TFAP2D: variants seen among roughly 807,000 people sequenced by gnomAD.
TFAP2D encodes transcription factor AP-2 delta.
TFAP2D carries 9 observed loss-of-function variants against 43.6 expected under a neutral mutation model. That is an observed-to-expected ratio of 0.21 (90% confidence interval 0.12 to 0.36). The LOEUF (loss-of-function observed/expected upper bound fraction) is 0.36. Ranked by LOEUF, TFAP2D falls within the 10% of genes least tolerant of loss-of-function variation. The pLI is 1.00. For synonymous variants in TFAP2D, 256 were observed against 224.9 expected (o/e 1.14, Z -1.24); for missense variants, 513 against 561.4 (o/e 0.91, Z 0.87).
chr6:50,723,657 A>G (rs79522162), intron 3 of TFAP2D, among the ~76,000 whole-genome samples: 2,851 of 152,268 alleles, frequency 0.019, 79 homozygotes, highest in African/African-American at 0.066. Flanking sequence ...CTTGTACCAA[A>G]GCATCCAGAA....
chr6:50,758,312 G>A (rs1011029966), intron 7 of TFAP2D, among the ~76,000 whole-genome samples: 3 of 151,810 alleles, frequency 2.0e-5, no homozygotes, highest in Non-Finnish European at 2.9e-5. Flanking sequence ...TCTCTCCAAC[G>A]TCTCTGTCAA....
intron 6 of TFAP2D, among the ~76,000 whole-genome samples, chr6:50,745,905 G>A (rs763970260): frequency 6.8e-4 from 103 of 152,218 alleles, no homozygotes; most frequent in Non-Finnish European, 1.3e-3. Context: ...CAATAGGAAA[G>A]GGGGAAGCTT....
chr6:50,756,078 G>T (rs1769261100), intron 7 of TFAP2D, among the ~76,000 whole-genome samples: 1 of 151,940 alleles, frequency 6.6e-6, no homozygotes, highest in Non-Finnish European at 1.5e-5. Context: ...GCCCAGGCTT[G>T]TTTCAGCTTT....
chr6:50,743,692 T>A (rs1401737468), intron 5 of TFAP2D, among the ~76,000 whole-genome samples: 1 of 152,098 alleles, frequency 6.6e-6, no homozygotes, highest in Non-Finnish European at 1.5e-5. Context: ...TATTAACTGT[T>A]CTCTTTTGTA....
intron 7 of TFAP2D, among the ~76,000 whole-genome samples, chr6:50,768,896 G>C (rs1300322175): frequency 7.0e-6 from 1 of 142,118 alleles, no homozygotes; most frequent in Non-Finnish European, 1.5e-5. Context: ...TTTGTTGAAC[G>C]AAGTGGCTTT....
intron 7 of TFAP2D, among the ~76,000 whole-genome samples, chr6:50,757,171 T>C (rs1022142847): frequency 6.0e-5 from 9 of 150,800 alleles, no homozygotes; most frequent in Non-Finnish European, 1.0e-4. Context: ...GTTTCTACTA[T>C]GTTAATGGCA....
At chr6:50,724,763 GGT>G (rs375837342) in intron 3 of TFAP2D, among the ~76,000 whole-genome samples, 8 of 150,622 alleles carry the variant, frequency 5.3e-5, no homozygotes, top group Middle Eastern at 3.4e-3. Context: ...ACGGTGGCGG[GGT>G]GTGTGTGTGT....
chr6:50,754,607 T>C (rs1769240025), intron 7 of TFAP2D, among the ~76,000 whole-genome samples: 1 of 151,952 alleles, frequency 6.6e-6, no homozygotes, highest in African/African-American at 2.4e-5. Flanking sequence ...AGCTATACCA[T>C]TTTACATTTT....
chr6:50,743,075 C>G (rs1281051532), intron 5 of TFAP2D, among the ~76,000 whole-genome samples: 1 of 151,660 alleles, frequency 6.6e-6, no homozygotes, highest in Non-Finnish European at 1.5e-5. Context: ...TAGCACTATT[C>G]AGATTAATAT....
At chr6:50,757,528 T>A (rs1426761326) in intron 7 of TFAP2D, among the ~76,000 whole-genome samples, 2 of 74,658 alleles carry the variant, frequency 2.7e-5, no homozygotes, top group Non-Finnish European at 4.8e-5. Context: ...ATACATATAA[T>A]TATTCTATAT....
chr6:50,714,187 C>T lies in TFAP2D; in HGVS notation c.39+93C>T, dbSNP rs1768576384. On this transcript the variant is annotated intron_variant, in intron 1 of 7. Transcript: ENST00000008391. The stretch of plus-strand genomic sequence containing the variant: ...GGTGGCGGCGGCGGTGGCAGCCTCC[C>T]CTGTCTCTAATCTATATTGGACCGT... The T allele has an allele frequency of 1.2e-5, 15 of 1,295,174 alleles. 1 individual carries two copies. The South Asian group carries it at 1.6e-4, about 14-fold the overall frequency. The allele number at this position is 1,295,174 out of a possible 1,614,324, so 80.2% of individuals were successfully genotyped here.
At position 50,772,821 on chromosome 6, in the gene TFAP2D, C is replaced by T; in HGVS notation, c.1316C>T (p.Ser439Leu). 1 of 1,613,980 alleles carries T rather than the reference C, an allele frequency of 6.2e-7. No homozygotes were observed. Among genetic ancestry groups the T allele is most frequent in the South Asian group, 1.1e-5 (1 of 91,070 alleles). ...NSEKAPLRKT[S>L]EAAVKEGKTE... ...GAGAAAGCTCCCCTGCGGAAAACTT[C>T]AGAGGCTGCCGTGAAAGAGGGCAAA... The change falls in exon 8 of 8, where the codon TCA becomes TTA. Residue 439 changes from serine (S) to leucine (L), a missense_variant. Ser to Leu is a moderately radical substitution (Grantham distance 145). Transcript: ENST00000008391.
intron 7 of TFAP2D, among the ~76,000 whole-genome samples, chr6:50,760,584 T>C (rs925146175): frequency 3.9e-5 from 6 of 152,024 alleles, no homozygotes; most frequent in African/African-American, 1.4e-4. Flanking sequence ...ATACTTTAAT[T>C]GTGTATCTTA....
chr6:50,741,593 A>G (rs1420376434), intron 5 of TFAP2D, among the ~76,000 whole-genome samples: 1 of 152,082 alleles, frequency 6.6e-6, no homozygotes, highest in East Asian at 1.9e-4. Context: ...AGACCTAAAG[A>G]CAGAAATACC....
intron 5 of TFAP2D, among the ~76,000 whole-genome samples, chr6:50,735,347 C>A (rs1561934979): frequency 6.6e-6 from 1 of 152,054 alleles, no homozygotes; most frequent in African/African-American, 2.4e-5. Context: ...AAGTAAAACT[C>A]ACGGATAGAA....
At position 50,745,095 on chromosome 6, in the gene TFAP2D, A is replaced by G. The variant is rs1187245407; in HGVS notation, c.884-12A>G. 3.1e-6 allele frequency: 5 copies of G among 1,612,958 alleles called. No homozygotes were observed. The highest frequency in any genetic ancestry group is 4.2e-6 in the Non-Finnish European group (5 of 1,179,518). ...TACTGGTGAGAAACTCACTTGTGTT[A>G]TCTGCCAACAGGGGAGGCTTTGCAC... On this transcript the variant is annotated splice_polypyrimidine_tract_variant and intron_variant, in intron 5 of 7. Coordinates refer to ENST00000008391, the MANE Select transcript of TFAP2D (RefSeq NM_172238.4).
chr6:50,714,182 C>CAG, intron 1 of TFAP2D, 88 bp downstream of exon 1: 1 of 1,326,092 alleles, frequency 7.5e-7, no homozygotes, highest in South Asian at 1.2e-5. Flanking sequence ...GCGGTGGCAG[C>CAG]CTCCCCTGTC....
At chr6:50,764,628 T>C (rs1480800106) in intron 7 of TFAP2D, among the ~76,000 whole-genome samples, 8 of 152,160 alleles carry the variant, frequency 5.3e-5, no homozygotes, top group Admixed American at 5.2e-4. Flanking sequence ...GGAAAAAATA[T>C]CACTGCAGAA....
At chr6:50,729,654 A>C (rs1365277181) in intron 5 of TFAP2D, among the ~76,000 whole-genome samples, 4 of 152,180 alleles carry the variant, frequency 2.6e-5, no homozygotes, top group Non-Finnish European at 2.9e-5. Flanking sequence ...AAGTGAATCT[A>C]ACTTAACCCA....
Sources: allele counts gnomAD v4.1 joint callset (sites outside exome capture counted in the v4.1 genomes callset), GRCh38; gene constraint gnomAD v4.1.1; transcripts MANE v1.5; gene names NCBI Gene and HGNC (gene_info 2026-07-23, HGNC 2026-07-21).